The following KLHL30 variants were observed in gnomAD, a reference collection of about 807,000 sequenced individuals.
KLHL30 encodes kelch like family member 30.
A neutral mutation model predicts 55.0 loss-of-function variants in KLHL30; 55 were observed. The ratio of observed to expected loss-of-function variants is 1.00; its 90% CI spans 0.80 to 1.25. The LOEUF is 1.25. KLHL30 is among the 50% of genes most tolerant of loss of function. The pLI is 0.00. For synonymous variants in KLHL30, 356 were observed against 372.6 expected (o/e 0.96, Z 0.51); for missense variants, 786 against 811.6 (o/e 0.97, Z 0.38).
chr2:238,141,339 C>G lies in KLHL30; in HGVS notation c.585C>G (p.Ser195Arg), dbSNP rs1023370134. ...TGCTGCAGGTACAGCCGGAGCAAAG[C>G]CGACTCGAGGCCCTGATGCGCTGGG... ...GDLLQVQPEQ[S>R]RLEALMRWVR... The change falls in exon 2 of 8, where the codon AGC (serine) becomes AGG (arginine). Residue 195 changes from serine (S) to arginine (R), a missense_variant. Transcript: ENST00000409223. 8 of 1,596,232 alleles carry G rather than the reference C, an allele frequency of 5.0e-6. No individual in the cohort carries two copies. Among genetic ancestry groups the G allele is most frequent in the Non-Finnish European group, 6.8e-6 (8 of 1,174,906 alleles).
chr2:238,146,920 C>T (rs1006384233), intron 5 of KLHL30, among the ~76,000 whole-genome samples: 31 of 149,396 alleles, frequency 2.1e-4, no homozygotes, highest in African/African-American at 7.4e-4. Flanking sequence ...GCAGGAGAAT[C>T]GTTTGAACCC....
chr2:238,143,498 A>C (rs888556513), intron 3 of KLHL30, among the ~76,000 whole-genome samples: 4 of 152,238 alleles, frequency 2.6e-5, no homozygotes, highest in African/African-American at 9.6e-5. Flanking sequence ...GGAGCCCTGA[A>C]GTGGGCACTG....
In KLHL30 at chr2:238,142,882, G is replaced by A. The variant is rs999552556; in HGVS notation, c.858G>A (p.Glu286=). 1.7e-5 allele frequency: 25 copies of A among 1,486,348 alleles called. No individual in the cohort carries two copies. Among genetic ancestry groups the A allele is most frequent in the East Asian group, 1.1e-4 (4 of 36,760 alleles). 92.1% of individuals were successfully genotyped at this position (1,486,348 alleles called of 1,614,324 possible). The stretch of plus-strand genomic sequence containing the variant: ...CGCTGGAGGAGGAGGAGGCAGGTGA[G>A]GAGCCCACCCCCGGCCTTGGGAACT... ...GQALEEEEAG[E]EPTPGLGNFA... is the part of the protein sequence containing the mutation. Residue 286 remains glutamate (E), a synonymous_variant, in exon 3 of 8, where the codon GAG becomes GAA. Transcript: ENST00000409223.
rs1205762535 is a variant in KLHL30, at chr2:238,151,873, T to C, written c.*808T>C. ...AAAGGCTCTTCATTAGAATGGAATT[T>C]CCCACCAGGGGACGACTCTTGGGTG... On this transcript the variant is annotated 3_prime_UTR_variant, in exon 8 of 8. Transcript: ENST00000409223. 1.3e-5 allele frequency: 13 copies of C among 985,160 alleles called. No individual in the cohort carries two copies. The highest frequency in any genetic ancestry group is 1.6e-5 in the Non-Finnish European group (13 of 829,840). The allele number at this position is 985,160 out of a possible 1,614,324, so 61.0% of individuals were successfully genotyped here. A position where few individuals can be genotyped will look rare whatever the true frequency, so the allele number is the denominator to read the frequency against.
Position 238,152,296 on chromosome 2 carries a change from C to T in KLHL30, c.*1231C>T, listed in dbSNP as rs370960492. 28 of 870,058 alleles carry T rather than the reference C, an allele frequency of 3.2e-5. No individual in the cohort carries two copies. Among genetic ancestry groups the T allele is most frequent in the African/African-American group, 1.6e-4 (9 of 55,020 alleles). The allele number at this position is 870,058 out of a possible 1,614,324, so 53.9% of individuals were successfully genotyped here. ...ATCCTTGGGTTCTGAGGACGGAAACCCCTGAGCCTCTTGAGCTTCTGTAGG... is the reference window on the plus strand; with the variant it reads ...ATCCTTGGGTTCTGAGGACGGAAACTCCTGAGCCTCTTGAGCTTCTGTAGG... On this transcript the variant is annotated 3_prime_UTR_variant, in exon 8 of 8. Transcript: ENST00000409223.
Position 238,143,905 on chromosome 2 carries a change from T to C in KLHL30, c.907+974T>C, listed in dbSNP as rs908712296. Among the ~76,000 whole-genome samples, 6 of 152,192 alleles carry C rather than the reference T, an allele frequency of 3.9e-5. No homozygotes were observed. The East Asian group carries it at 1.2e-3, about 29-fold the overall frequency. ...GCCAGGCTCTGCTCCCAGGGAGGCCTGGAATTCCGCATCTCCCAAAAATGG... is the reference window on the plus strand; with the variant it reads ...GCCAGGCTCTGCTCCCAGGGAGGCCCGGAATTCCGCATCTCCCAAAAATGG... On this transcript the variant is annotated intron_variant, in intron 3 of 7. Coordinates refer to ENST00000409223, the MANE Select transcript of KLHL30 (RefSeq NM_198582.4).
intron 6 of KLHL30, among the ~76,000 whole-genome samples, chr2:238,148,489 C>T (rs1057202310): frequency 6.6e-6 from 1 of 152,242 alleles, no homozygotes; most frequent in Non-Finnish European, 1.5e-5. Flanking sequence ...AGCTCTGAGC[C>T]GTCCACCCCG....
chr2:238,140,307 G>A (rs904990294), intron 1 of KLHL30, among the ~76,000 whole-genome samples: 1 of 152,210 alleles, frequency 6.6e-6, no homozygotes, highest in Non-Finnish European at 1.5e-5. Context: ...GTGGGATCTG[G>A]GACGGAGGAC....
chr2:238,148,099 G>A, intron 6 of KLHL30, 77 bp downstream of exon 6: 1 of 1,294,148 alleles, frequency 7.7e-7, no homozygotes, highest in Non-Finnish European at 1.0e-6. Flanking sequence ...TAGTGATGGT[G>A]AGGATTGGGG....
Position 238,145,696 on chromosome 2 carries a change from G to T in KLHL30, c.1014G>T (p.Lys338Asn). 1 of 1,583,964 alleles carries T rather than the reference G, an allele frequency of 6.3e-7. No homozygotes were observed. Residue 338 changes from lysine (K) to asparagine (N), a missense_variant, in exon 5 of 8, where the codon AAG (lysine) becomes AAT (asparagine). Lys to Asn is a moderately conservative substitution (Grantham distance 94). Coordinates refer to ENST00000409223, the MANE Select transcript of KLHL30 (RefSeq NM_198582.4). ...IYVTGGSRGTKTDTWSTTQAW... is the reference protein window; with the variant it reads ...IYVTGGSRGTNTDTWSTTQAW... ...CGGCAGGTGGCTCTCGGGGCACAAA[G>T]ACAGACACCTGGTCAACCACCCAGG...
intron 3 of KLHL30, among the ~76,000 whole-genome samples, chr2:238,144,411 G>T (rs1411774530): frequency 6.1e-5 from 8 of 131,322 alleles, no homozygotes; most frequent in African/African-American, 8.7e-5. Flanking sequence ...AGGAAGGAAG[G>T]AAGGAAGGAA....
At position 238,151,499 on chromosome 2, in the gene KLHL30, G is replaced by T. The variant is rs897038554; in HGVS notation, c.*434G>T. ...AAGCTGAGGCTGCTGGGGAAGGCAG[G>T]CCCCGGAGATGGGATCAGCACCAGG... On this transcript the variant is annotated 3_prime_UTR_variant, in exon 8 of 8. Transcript: ENST00000409223. The T allele has an allele frequency of 1.4e-5, 3 of 209,156 alleles. No homozygotes were observed. The highest frequency in any genetic ancestry group is 4.6e-5 in the African/African-American group (2 of 43,366). The allele number at this position is 209,156 out of a possible 1,614,324, so 13.0% of individuals were successfully genotyped here.
intron 3 of KLHL30, among the ~76,000 whole-genome samples, chr2:238,144,432 A>AAGGAAGGAATGAAGGAAGGAAGGCAGGC (rs1692608040): frequency 1.2e-5 from 1 of 82,380 alleles, no homozygotes; most frequent in Non-Finnish European, 2.6e-5. Context: ...GGAAGGAAGG[A>AAGGAAGGAATGAAGGAAGGAAGGCAGGC]AGGCAGGCAG....
chr2:238,147,812 T>C lies in KLHL30; in HGVS notation c.1151-22T>C, dbSNP rs1692673429. ...TCCCCTCTCCTCCCCAGCCCTGAAC[T>C]GCCCCCGCCCTCACCCCACAGGCAC... On this transcript the variant is annotated intron_variant, in intron 5 of 7. Coordinates refer to ENST00000409223, the MANE Select transcript of KLHL30 (RefSeq NM_198582.4). This position sits in a 1 kb window ranked among gnomAD's most constrained non-coding sequence, Gnocchi z 5.8. 8.7e-7 allele frequency: 1 copy of C among 1,155,990 alleles called. No homozygotes were observed. Among genetic ancestry groups the C allele is most frequent in the Non-Finnish European group, 1.1e-6 (1 of 872,978 alleles). The allele number at this position is 1,155,990 out of a possible 1,614,324, so 71.6% of individuals were successfully genotyped here. A position where few individuals can be genotyped will look rare whatever the true frequency, so the allele number is the denominator to read the frequency against.
Position 238,141,074 on chromosome 2 carries a change from C to T in KLHL30, c.320C>T (p.Thr107Ile). ...TITQGNVEAL[T>I]RTAARLHFPS... is the part of the protein sequence containing the mutation. ...ACGCAGGGCAACGTGGAGGCGCTGA[C>T]ACGCACGGCTGCGCGCCTGCACTTC... The change falls in exon 2 of 8, where the codon ACA (threonine) becomes ATA (isoleucine). Residue 107 changes from threonine to isoleucine, a missense_variant. Transcript: ENST00000409223. The T allele has an allele frequency of 6.2e-7, 1 of 1,609,766 alleles. No homozygotes were observed. Among genetic ancestry groups the T allele is most frequent in the African/African-American group, 1.3e-5 (1 of 75,004 alleles).
chr2:238,144,174 C>T (rs1219294807), intron 3 of KLHL30, among the ~76,000 whole-genome samples: 1 of 152,196 alleles, frequency 6.6e-6, no homozygotes. Flanking sequence ...CTGTCATCAG[C>T]TGAGCAGTTC....
rs535923804 is a variant in KLHL30, at chr2:238,143,554, G to A, written c.907+623G>A. The stretch of plus-strand genomic sequence containing the variant: ...CGGGAAAGGAGGCATGAGGGGCCCC[G>A]CAGCGGCTCTGGAGGCCCCCTGCGC... On this transcript the variant is annotated intron_variant, in intron 3 of 7. Transcript: ENST00000409223. 1.2e-4 allele frequency among the ~76,000 whole-genome samples: 19 copies of A among 152,376 alleles called. No homozygotes were observed. The East Asian group carries it at 1.7e-3, about 14-fold the overall frequency.
chr2:238,142,510 T>C (rs1223419397), intron 2 of KLHL30, among the ~76,000 whole-genome samples: 1 of 152,118 alleles, frequency 6.6e-6, no homozygotes, highest in Non-Finnish European at 1.5e-5. Flanking sequence ...CGGGACACCC[T>C]CGTGCCGCCT....
In KLHL30 at chr2:238,151,827, TC is replaced by T. The variant is rs1559278722; in HGVS notation, c.*764del. ...AGTTTTGCTCTCAGAAGGGATTGCC[TC>T]CGTCTCTGTGTGTCAGAACAAAGGC... On this transcript the variant is annotated 3_prime_UTR_variant, in exon 8 of 8. Transcript: ENST00000409223. The T allele has an allele frequency of 1.0e-5, 10 of 966,878 alleles. No homozygotes were observed. Among genetic ancestry groups the T allele is most frequent in the Non-Finnish European group, 1.2e-5 (10 of 813,124 alleles). 59.9% of individuals were successfully genotyped at this position (966,878 alleles called of 1,614,324 possible). A position where few individuals can be genotyped will look rare whatever the true frequency, so the allele number is the denominator to read the frequency against.
Sources: allele counts gnomAD v4.1 joint callset (sites outside exome capture counted in the v4.1 genomes callset), GRCh38; gene constraint gnomAD v4.1.1; non-coding constraint Gnocchi (gnomAD v3.1); transcripts MANE v1.5; gene names NCBI Gene and HGNC (gene_info 2026-07-23, HGNC 2026-07-21).